SND1: variants seen among roughly 807,000 people sequenced by gnomAD.
SND1 encodes the protein staphylococcal nuclease domain-containing protein 1.
In SND1, 38 loss-of-function variants were observed where a neutral mutation model predicts 121.7. The ratio of observed to expected loss-of-function variants is 0.31; its 90% CI spans 0.24 to 0.41. The LOEUF (loss-of-function observed/expected upper bound fraction) is 0.41. Ranked by LOEUF, SND1 falls within the 10% of genes least tolerant of loss-of-function variation. The probability of loss-of-function intolerance (pLI) is 1.00; values close to 1 mark genes in which losing one functional copy is unlikely to be tolerated. For missense variants in SND1, 868 were observed against 1,184.6 expected (o/e 0.73, Z 3.92); for synonymous variants, 401 against 447.4 (o/e 0.90, Z 1.31).
chr7:128,089,420 A>G (rs955283785), intron 21 of SND1, 69 bp from the exon 22 acceptor site: 29 of 1,462,094 alleles, frequency 2.0e-5, no homozygotes, highest in Admixed American at 9.1e-5. Context: ...TTGGGAGTCT[A>G]TGGACAGGAG....
At chr7:127,976,066 T>C (rs1802113096) in intron 15 of SND1, among the ~76,000 whole-genome samples, 1 of 152,178 alleles carries the variant, frequency 6.6e-6, no homozygotes, top group Non-Finnish European at 1.5e-5. Flanking sequence ...TTCCCCACCC[T>C]ATTTCCTTGG....
At chr7:128,077,512 G>A (rs754641389) in intron 17 of SND1, among the ~76,000 whole-genome samples, 3 of 152,218 alleles carry the variant, frequency 2.0e-5, no homozygotes, top group African/African-American at 7.2e-5. Context: ...CAGATGAACA[G>A]GCAGGAGGGG....
At chr7:128,089,467 C>T (rs764076451) in intron 21 of SND1, 22 bp from the exon 22 acceptor site, 1 of 1,598,764 alleles carries the variant, frequency 6.3e-7, no homozygotes, top group Non-Finnish European at 8.5e-7. Flanking sequence ...CTTGCTCTGA[C>T]CTGAGTGTGT....
At chr7:127,752,720 G>A (rs746976223) in intron 10 of SND1, among the ~76,000 whole-genome samples, 12 of 152,186 alleles carry the variant, frequency 7.9e-5, no homozygotes, top group Non-Finnish European at 1.2e-4. Context: ...CTGAATGAAT[G>A]GATGTGGCTG....
At chr7:127,984,619 CATAGT>C (rs1208017159) in intron 15 of SND1, among the ~76,000 whole-genome samples, 1 of 152,236 alleles carries the variant, frequency 6.6e-6, no homozygotes, top group Non-Finnish European at 1.5e-5. Flanking sequence ...CTGTGTGCTA[CATAGT>C]ATGTTAAGTG....
intron 21 of SND1, among the ~76,000 whole-genome samples, chr7:128,089,168 C>T (rs1348793486): frequency 1.3e-5 from 2 of 152,176 alleles, no homozygotes; most frequent in Non-Finnish European, 2.9e-5. Context: ...GATTCTCGTG[C>T]CGCAGTTTCC....
chr7:127,695,418 C>T (rs1422557771), intron 3 of SND1, among the ~76,000 whole-genome samples: 2 of 152,130 alleles, frequency 1.3e-5, no homozygotes, highest in Non-Finnish European at 2.9e-5. Context: ...GGAAGGAGCA[C>T]AGATGTCGGG....
chr7:127,708,317 T>C (rs1172894332), intron 9 of SND1, among the ~76,000 whole-genome samples: 3 of 151,882 alleles, frequency 2.0e-5, no homozygotes, highest in Non-Finnish European at 4.4e-5. Flanking sequence ...GTTTGGTAGG[T>C]TGTATTAAGT....
intron 16 of SND1, among the ~76,000 whole-genome samples, chr7:128,020,571 T>C (rs1255659292): frequency 6.6e-6 from 1 of 152,352 alleles, no homozygotes; most frequent in East Asian, 1.9e-4. Flanking sequence ...CATTGCCCTC[T>C]CCATATCCCG....
intron 15 of SND1, among the ~76,000 whole-genome samples, chr7:127,945,196 T>C (rs1042013585): frequency 1.4e-4 from 21 of 152,236 alleles, no homozygotes; most frequent in Admixed American, 3.9e-4. Context: ...TTTTGACTCT[T>C]TTAAAATTTA....
chr7:127,674,369 T>C (rs1298701950), intron 1 of SND1, among the ~76,000 whole-genome samples: 1 of 152,234 alleles, frequency 6.6e-6, no homozygotes, highest in Non-Finnish European at 1.5e-5. Flanking sequence ...AAACAAGGGT[T>C]TACTTCTAAT....
At chr7:127,855,099 A>G (rs1006753227) in intron 12 of SND1, among the ~76,000 whole-genome samples, 2 of 151,908 alleles carry the variant, frequency 1.3e-5, no homozygotes, top group Non-Finnish European at 2.9e-5. Context: ...GTCTAAGGCA[A>G]ACTATTGTTG....
chr7:128,002,935 AAC>A (rs1802871381), intron 16 of SND1, among the ~76,000 whole-genome samples: 3 of 152,242 alleles, frequency 2.0e-5, no homozygotes, highest in South Asian at 2.1e-4. Context: ...ACTAGGTGGT[AAC>A]ACAGGCTGGG....
At chr7:127,743,333 T>A (rs1796917205) in intron 10 of SND1, among the ~76,000 whole-genome samples, 1 of 152,256 alleles carries the variant, frequency 6.6e-6, no homozygotes, top group Non-Finnish European at 1.5e-5. Context: ...CCTTGAAGCT[T>A]TCTTTGCCTC....
intron 10 of SND1, among the ~76,000 whole-genome samples, chr7:127,798,621 G>C (rs78321309): frequency 1.9e-4 from 29 of 151,774 alleles, no homozygotes; most frequent in African/African-American, 6.8e-4. Context: ...AAGTTCTCCA[G>C]TGTGGCTTTC....
intron 1 of SND1, among the ~76,000 whole-genome samples, chr7:127,683,076 G>C (rs770454728): frequency 2.6e-5 from 4 of 152,162 alleles, no homozygotes; most frequent in Non-Finnish European, 4.4e-5. Flanking sequence ...GCGACTGTTA[G>C]CTATAAGAAG....
intron 16 of SND1, among the ~76,000 whole-genome samples, chr7:128,051,659 G>A (rs779296170): frequency 1.2e-4 from 19 of 152,192 alleles, no homozygotes; most frequent in Admixed American, 2.0e-4. Flanking sequence ...TCCTAGGAAG[G>A]GACCTGGGTG....
chr7:127,890,340 A>G (rs1799987178), intron 13 of SND1, among the ~76,000 whole-genome samples: 1 of 152,106 alleles, frequency 6.6e-6, no homozygotes, highest in Non-Finnish European at 1.5e-5. Flanking sequence ...AGAAATGTCT[A>G]TTCAAATATT....
chr7:127,876,555 A>G (rs1460825159), intron 12 of SND1, among the ~76,000 whole-genome samples: 2 of 152,156 alleles, frequency 1.3e-5, no homozygotes, highest in Admixed American at 6.6e-5. Context: ...AAAAGCTTTT[A>G]TCTAGGGAAG....
Sources: allele counts gnomAD v4.1 joint callset (sites outside exome capture counted in the v4.1 genomes callset), GRCh38; gene constraint gnomAD v4.1.1; transcripts MANE v1.5; gene names NCBI Gene and HGNC (gene_info 2026-07-23, HGNC 2026-07-21).